Variants in SLC31A1 observed in about 807,000 individuals in gnomAD.
SLC31A1 encodes high affinity copper uptake protein 1.
In SLC31A1, 5 loss-of-function variants were observed where a neutral mutation model predicts 17.2. The ratio of observed to expected loss-of-function variants is 0.29; its 90% confidence interval spans 0.15 to 0.61. SLC31A1 has a LOEUF of 0.61. Among genes scored for constraint, SLC31A1 ranks in the 20% least tolerant of loss-of-function variants. The probability of loss-of-function intolerance (pLI) is 0.86; values close to 1 mark genes in which losing one functional copy is unlikely to be tolerated. For missense variants in SLC31A1, 161 were observed against 241.4 expected (o/e 0.67, Z 2.21); for synonymous variants, 76 against 78.8 (o/e 0.96, Z 0.19).
chr9:113,221,923 C>A (rs1831279492), intron 1 of SLC31A1, among the ~76,000 whole-genome samples: 1 of 152,206 alleles, frequency 6.6e-6, no homozygotes, highest in Admixed American at 6.5e-5. Flanking sequence ...TCCAGTTCTT[C>A]CATGTGCCTG....
intron 1 of SLC31A1, among the ~76,000 whole-genome samples, chr9:113,243,614 G>A (rs1831545385): frequency 6.6e-6 from 1 of 151,992 alleles, no homozygotes; most frequent in African/African-American, 2.4e-5. Context: ...GTCTCACTAT[G>A]TTGCCCAGGC....
Position 113,261,313 on chromosome 9 carries a change from C to T in SLC31A1, c.*840C>T, listed in dbSNP as rs1177034649. 6.5e-6 allele frequency: 1 copy of T among 152,840 alleles called. No homozygotes were observed. The highest frequency in any genetic ancestry group is 1.5e-5 in the Non-Finnish European group (1 of 68,452). 9.5% of individuals were successfully genotyped at this position (152,840 alleles called of 1,614,324 possible). A position where few individuals can be genotyped will look rare whatever the true frequency, so the allele number is the denominator to read the frequency against. The stretch of plus-strand genomic sequence containing the variant: ...TTTTGGATTCAATGAGTGGGAAATA[C>T]ATTGTGCCTTTCTCTAGATGTGATA... On this transcript the variant is annotated 3_prime_UTR_variant, in exon 5 of 5. Coordinates refer to ENST00000374212, the MANE Select transcript of SLC31A1 (RefSeq NM_001859.4).
At chr9:113,257,478 A>AT (rs532189321) in intron 3 of SLC31A1, among the ~76,000 whole-genome samples, 3,472 of 101,126 alleles carry the variant, frequency 0.034, 73 homozygotes, top group African/African-American at 0.065. Flanking sequence ...AGAGTGTTTA[A>AT]TTTTTTTTTT....
chr9:113,233,448 C>T (rs1587988542), intron 1 of SLC31A1, among the ~76,000 whole-genome samples: 1 of 152,174 alleles, frequency 6.6e-6, no homozygotes, highest in Non-Finnish European at 1.5e-5. Flanking sequence ...GTAAAAGTCT[C>T]AGCAAAACGG....
chr9:113,241,867 A>C (rs1831525091), intron 1 of SLC31A1, among the ~76,000 whole-genome samples: 3 of 152,246 alleles, frequency 2.0e-5, no homozygotes. Context: ...TCAAAATATC[A>C]TAAAAACATT....
At position 113,258,531 on chromosome 9, in the gene SLC31A1, A is replaced by G. The variant is rs1260696271; in HGVS notation, c.203-163A>G. On this transcript the variant is annotated intron_variant, in intron 3 of 4. Transcript: ENST00000374212. The surrounding 1 kb of genome is among the most constrained non-coding windows in gnomAD (Gnocchi z 4.8). ...AGAGGCAATAGTTTTCAGTTACACC[A>G]TCTTAGCCGTTCTCCTATCTGAGCA... Among the ~76,000 whole-genome samples, 1 of 152,246 alleles carries G rather than the reference A, an allele frequency of 6.6e-6. No individual in the cohort carries two copies. The highest frequency in any genetic ancestry group is 1.5e-5 in the Non-Finnish European group (1 of 68,044).
intron 2 of SLC31A1, 148 bp downstream of exon 2, chr9:113,256,425 T>G (rs1371248619): frequency 1.2e-6 from 1 of 833,062 alleles, no homozygotes; most frequent in East Asian, 2.8e-5. Flanking sequence ...GTCAAGTCAT[T>G]TGCTCCAGAT....
At chr9:113,254,153 C>G (rs974238842) in intron 1 of SLC31A1, among the ~76,000 whole-genome samples, 4 of 151,858 alleles carry the variant, frequency 2.6e-5, no homozygotes, top group Admixed American at 6.6e-5. Flanking sequence ...GGGGTTTCAT[C>G]ATGTTGGCCA....
rs541063261 is a variant in SLC31A1 at position 113,231,688 on chromosome 9, C to G, written c.-36+10010C>G. ...CAAAATACACATGTATCTTTTTATT[C>G]ACATGAATTCCATTTTATGTGTATG... On this transcript the variant is annotated intron_variant, in intron 1 of 4. Transcript: ENST00000374212. Among the ~76,000 whole-genome samples, 5 of 152,224 alleles carry G rather than the reference C, an allele frequency of 3.3e-5. No individual in the cohort carries two copies. In the East Asian group the frequency reaches 9.6e-4, roughly 29 times the overall value.
At chr9:113,243,621 A>G (rs1781306643) in intron 1 of SLC31A1, among the ~76,000 whole-genome samples, 1 of 152,108 alleles carries the variant, frequency 6.6e-6, no homozygotes, top group Admixed American at 6.6e-5. Context: ...TATGTTGCCC[A>G]GGCTAGATTC....
intron 1 of SLC31A1, among the ~76,000 whole-genome samples, 200 bp downstream of exon 1, chr9:113,221,878 G>T (rs1002947523): frequency 6.6e-6 from 1 of 152,242 alleles, no homozygotes; most frequent in African/African-American, 2.4e-5. Context: ...GGTGCTCGGT[G>T]CCTCAGTTTC....
rs751703916 is a variant in SLC31A1, at chr9:113,258,679, T to C, written c.203-15T>C. Reference sequence around the variant, plus strand: ...CATGTTTGACAGTACCTCCATATTTTCCTTCCATACTTAGAAATGGCTGGA... The same window carrying C: ...CATGTTTGACAGTACCTCCATATTTCCCTTCCATACTTAGAAATGGCTGGA... On this transcript the variant is annotated splice_polypyrimidine_tract_variant and intron_variant, in intron 3 of 4. Coordinates refer to ENST00000374212, the MANE Select transcript of SLC31A1 (RefSeq NM_001859.4). The surrounding 1 kb of genome is among the most constrained non-coding windows in gnomAD (Gnocchi z 4.8). The C allele has an allele frequency of 3.1e-6, 5 of 1,613,960 alleles. No homozygotes were observed. In the South Asian group the frequency reaches 5.5e-5, roughly 18 times the overall value.
In SLC31A1 at chr9:113,254,622, G is replaced by A. The variant is rs1448088342; in HGVS notation, c.-35-1492G>A. 2.6e-5 allele frequency among the ~76,000 whole-genome samples: 4 copies of A among 152,144 alleles called. No individual in the cohort carries two copies. In the East Asian group the frequency reaches 7.7e-4, roughly 29 times the overall value. On this transcript the variant is annotated intron_variant, in intron 1 of 4. Transcript: ENST00000374212. ...TATAGGAGTTATTGTTCCTGGGCCG[G>A]GCACGGTAGCTCAAGCCTATAATCC...
intron 1 of SLC31A1, among the ~76,000 whole-genome samples, chr9:113,234,480 ATTTTTTTTT>A (rs869088669): frequency 5.0e-5 from 3 of 60,232 alleles, no homozygotes; most frequent in African/African-American, 2.1e-4. Context: ...CCTGGCCATC[ATTTTTTTTT>A]TTTTTTTTTT....
chr9:113,238,735 A>G (rs2118994330), intron 1 of SLC31A1, among the ~76,000 whole-genome samples: 1 of 152,352 alleles, frequency 6.6e-6, no homozygotes, highest in African/African-American at 2.4e-5. Context: ...AGCCTGGGCG[A>G]CAGACTGTGA....
chr9:113,250,289 A>C (rs145886762), intron 1 of SLC31A1, among the ~76,000 whole-genome samples: 27,890 of 88,198 alleles, frequency 0.32, 5,031 homozygotes, highest in African/African-American at 0.41. Flanking sequence ...AAATGTCCAA[A>C]AATGATAGAC....
At chr9:113,236,641 C>T (rs1418884368) in intron 1 of SLC31A1, among the ~76,000 whole-genome samples, 3 of 152,184 alleles carry the variant, frequency 2.0e-5, no homozygotes, top group African/African-American at 4.8e-5. Flanking sequence ...GGATTACAGG[C>T]ATGAGCCACC....
chr9:113,231,588 AT>A (rs1831404196), intron 1 of SLC31A1, among the ~76,000 whole-genome samples: 1 of 151,682 alleles, frequency 6.6e-6, no homozygotes, highest in African/African-American at 2.4e-5. Flanking sequence ...TGGGGAAATT[AT>A]TTATTTAGTT....
Position 113,260,711 on chromosome 9 carries a change from A to G in SLC31A1, c.*238A>G. 1.8e-6 allele frequency: 1 copy of G among 547,398 alleles called. No homozygotes were observed. The highest frequency in any genetic ancestry group is 3.3e-6 in the Non-Finnish European group (1 of 300,058). 33.9% of individuals were successfully genotyped at this position (547,398 alleles called of 1,614,324 possible). A position where few individuals can be genotyped will look rare whatever the true frequency, so the allele number is the denominator to read the frequency against. On this transcript the variant is annotated 3_prime_UTR_variant, in exon 5 of 5. Coordinates refer to ENST00000374212, the MANE Select transcript of SLC31A1 (RefSeq NM_001859.4). The stretch of plus-strand genomic sequence containing the variant: ...GCTGAGATTCCCATTTCTCTTAAGG[A>G]GAAGCCACCCATGAGATGTCTTTTC...
Sources: gnomAD v4.1 joint callset for allele counts (sites outside exome capture counted in the v4.1 genomes callset) on GRCh38, gnomAD v4.1.1 for gene constraint, Gnocchi (gnomAD v3.1) non-coding constraint, MANE v1.5 for transcripts, NCBI Gene and HGNC (gene_info 2026-07-23, HGNC 2026-07-21) for gene names.